Variants in PDE1A observed in about 807,000 individuals in gnomAD.
PDE1A encodes the protein phosphodiesterase 1A, also known as dual specificity calcium/calmodulin-dependent 3',5'-cyclic nucleotide phosphodiesterase 1A.
A neutral mutation model predicts 61.7 loss-of-function variants in PDE1A; 35 were observed. That is an observed-to-expected ratio of 0.57 (90% CI 0.43 to 0.75). The LOEUF is 0.75. Ranked by LOEUF, PDE1A falls within the 30% of genes least tolerant of loss-of-function variation. PDE1A has a pLI of 0.00. For synonymous variants in PDE1A, 232 were observed against 213.2 expected (o/e 1.09, Z -0.77); for missense variants, 597 against 630.6 (o/e 0.95, Z 0.57).
At chr2:182,593,466 G>A in the PDE1A span, among the ~76,000 whole-genome samples, 74 of 152,264 alleles carry the variant, frequency 4.9e-4, no homozygotes, top group African/African-American at 1.7e-3. Flanking sequence ...ACTACTGTTC[G>A]AATTAAGTAC....
At chr2:182,655,467 CTA>C in the PDE1A span, among the ~76,000 whole-genome samples, 1 of 152,186 alleles carries the variant, frequency 6.6e-6, no homozygotes, top group Non-Finnish European at 1.5e-5. Flanking sequence ...GCCACAAGAT[CTA>C]TTTCCACACC....
chr2:182,247,311 T>C (rs1691047763), intron 2 of PDE1A, among the ~76,000 whole-genome samples: 1 of 152,186 alleles, frequency 6.6e-6, no homozygotes, highest in Non-Finnish European at 1.5e-5. Context: ...AGTATTTCTG[T>C]CAAATATTAG....
At chr2:182,230,552 C>T (rs1689496942) in intron 5 of PDE1A, among the ~76,000 whole-genome samples, 1 of 152,102 alleles carries the variant, frequency 6.6e-6, no homozygotes, top group Non-Finnish European at 1.5e-5. Context: ...GATGATTCTA[C>T]AGGAAATGAT....
At chr2:182,564,879 C>T in the PDE1A span, among the ~76,000 whole-genome samples, 1 of 152,134 alleles carries the variant, frequency 6.6e-6, no homozygotes, top group African/African-American at 2.4e-5. Context: ...TCACGTAGTT[C>T]TCGAGCCTTG....
intron 2 of PDE1A, among the ~76,000 whole-genome samples, chr2:182,514,809 T>C (rs755657796): frequency 2.6e-5 from 4 of 151,966 alleles, no homozygotes; most frequent in Non-Finnish European, 4.4e-5. Context: ...AAAACACAAA[T>C]AGACAAGTGG....
the PDE1A span, among the ~76,000 whole-genome samples, chr2:182,658,071 A>AC: frequency 0.017 from 925 of 53,632 alleles, 5 homozygotes; most frequent in African/African-American, 0.041. Context: ...AAAAAAAAAA[A>AC]ACAAAAAAAC....
In PDE1A at chr2:182,234,491, G is replaced by A. The variant is rs1000387885; in HGVS notation, c.358C>T (p.Arg120Ter). 6 of 1,593,262 alleles carry A rather than the reference G, an allele frequency of 3.8e-6. No homozygotes were observed. Among genetic ancestry groups the A allele is most frequent in the Non-Finnish European group, 5.1e-6 (6 of 1,165,050 alleles). ...AAACCAACCATATGATATGTTTTTC[G>A]GTACATTCTAAAAAAGACAAAAATA... The change falls in exon 4 of 14, where the codon CGA (arginine) becomes TGA (stop). Residue 120 changes from arginine (R) to a stop codon, truncating the protein, a stop_gained. Coordinates refer to ENST00000351439, the Ensembl canonical transcript of PDE1A. LOFTEE classifies it high-confidence loss of function.
At chr2:182,334,715 C>T (rs576502047) in intron 1 of PDE1A, among the ~76,000 whole-genome samples, 2 of 152,094 alleles carry the variant, frequency 1.3e-5, no homozygotes, top group African/African-American at 2.4e-5. Context: ...AAAACCAGCA[C>T]AAAAAAAGGA....
At chr2:182,651,451 C>T in the PDE1A span, among the ~76,000 whole-genome samples, 1 of 152,130 alleles carries the variant, frequency 6.6e-6, no homozygotes, top group Non-Finnish European at 1.5e-5. Context: ...TTTTTCCTCC[C>T]AAGAGAAATC....
the PDE1A span, among the ~76,000 whole-genome samples, chr2:182,635,698 C>CTCTCTCTCTCTCTCTCTA: frequency 2.3e-4 from 34 of 147,618 alleles, 1 homozygote; most frequent in African/African-American, 8.0e-4. Context: ...CTCTCTCTCT[C>CTCTCTCTCTCTCTCTCTA]TCCACATATG....
At chr2:182,587,356 A>G in the PDE1A span, among the ~76,000 whole-genome samples, 1 of 152,210 alleles carries the variant, frequency 6.6e-6, no homozygotes. Context: ...ATGACAGCCT[A>G]GAACTTCTCC....
At chr2:182,386,872 G>A in intron 1 of PDE1A, among the ~76,000 whole-genome samples, 1 of 150,844 alleles carries the variant, frequency 6.6e-6, no homozygotes, top group East Asian at 2.0e-4. Flanking sequence ...GCCCCTTCTG[G>A]GAGGTGAGGA....
chr2:182,193,756 A>G (rs924933546), intron 10 of PDE1A, among the ~76,000 whole-genome samples: 2 of 152,178 alleles, frequency 1.3e-5, no homozygotes, highest in Non-Finnish European at 2.9e-5. Context: ...ATTTTATGGA[A>G]TATTAGAACC....
chr2:182,365,002 T>G (rs1170049295), intron 1 of PDE1A, among the ~76,000 whole-genome samples: 1 of 152,066 alleles, frequency 6.6e-6, no homozygotes, highest in Non-Finnish European at 1.5e-5. Flanking sequence ...TTTTTCAGCA[T>G]CTGATTGAGG....
At chr2:182,309,287 T>C (rs550252558) in intron 1 of PDE1A, among the ~76,000 whole-genome samples, 2 of 152,168 alleles carry the variant, frequency 1.3e-5, no homozygotes, top group South Asian at 2.1e-4. Context: ...TGTGTTTATA[T>C]TGAGACAATA....
intron 1 of PDE1A, among the ~76,000 whole-genome samples, chr2:182,288,205 G>C (rs769987581): frequency 1.3e-5 from 2 of 152,086 alleles, no homozygotes; most frequent in Non-Finnish European, 2.9e-5. Flanking sequence ...TAGTTGCTGA[G>C]AACTTTTGAT....
At chr2:182,626,836 T>TACATATATATAC in the PDE1A span, among the ~76,000 whole-genome samples, 3 of 31,540 alleles carry the variant, frequency 9.5e-5, no homozygotes, top group Admixed American at 6.9e-4. Flanking sequence ...CATATATATA[T>TACATATATATAC]ACATATATAT....
the PDE1A span, among the ~76,000 whole-genome samples, chr2:182,693,069 G>A: frequency 6.6e-6 from 1 of 152,034 alleles, no homozygotes; most frequent in Non-Finnish European, 1.5e-5. Flanking sequence ...CAGCCTGGGT[G>A]ACAGAGAGAG....
At chr2:182,195,166 C>T (rs759107573) in intron 10 of PDE1A, among the ~76,000 whole-genome samples, 5 of 151,990 alleles carry the variant, frequency 3.3e-5, no homozygotes, top group African/African-American at 4.8e-5. Context: ...AGAAATTCAG[C>T]GTTAAGTAAC....
Sources: gnomAD v4.1 joint callset for allele counts (sites outside exome capture counted in the v4.1 genomes callset) on GRCh38, gnomAD v4.1.1 for gene constraint, MANE v1.5 for transcripts, NCBI Gene and HGNC (gene_info 2026-07-23, HGNC 2026-07-21) for gene names.